The following CCSER1 variants were observed in gnomAD, a reference collection of about 807,000 sequenced individuals.
CCSER1 encodes the protein coiled-coil serine rich protein 1.
CCSER1 carries 41 observed loss-of-function variants against 82.0 expected under a neutral mutation model. That is an observed-to-expected ratio of 0.50 (90% CI 0.39 to 0.65). CCSER1 has a LOEUF of 0.65. Among genes scored for constraint, CCSER1 ranks in the 30% least tolerant of loss-of-function variants. CCSER1 has a pLI of 0.00. For synonymous variants in CCSER1, 414 were observed against 383.9 expected, an observed-to-expected ratio of 1.08 and a Z score of -0.92; for missense variants, 1,119 against 1,064.2, an observed-to-expected ratio of 1.05 and a Z score of -0.72.
chr4:91,403,002 C>A (rs1260620491), intron 10 of CCSER1, among the ~76,000 whole-genome samples: 1 of 152,132 alleles, frequency 6.6e-6, no homozygotes, highest in Non-Finnish European at 1.5e-5. Flanking sequence ...GCCATTTTCA[C>A]AATATTGATT....
At chr4:90,167,417 C>T (rs1028197404) in intron 1 of CCSER1, among the ~76,000 whole-genome samples, 5 of 152,114 alleles carry the variant, frequency 3.3e-5, no homozygotes, top group Middle Eastern at 3.4e-3. Context: ...CACACTCATA[C>T]GTAGTCATTA....
chr4:91,512,061 C>A (rs148820567), intron 10 of CCSER1, among the ~76,000 whole-genome samples: 1 of 151,880 alleles, frequency 6.6e-6, no homozygotes, highest in Non-Finnish European at 1.5e-5. Context: ...TAACTATCTG[C>A]GATGGTTCAC....
intron 8 of CCSER1, among the ~76,000 whole-genome samples, chr4:90,922,643 A>G (rs1728546618): frequency 6.6e-6 from 1 of 152,078 alleles, no homozygotes; most frequent in Non-Finnish European, 1.5e-5. Context: ...TTGAAGATAA[A>G]ATGTGATCAA....
chr4:90,777,413 C>T (rs1321694739), intron 7 of CCSER1, among the ~76,000 whole-genome samples: 1 of 147,564 alleles, frequency 6.8e-6, no homozygotes, highest in African/African-American at 2.5e-5. Context: ...TAAGACCTCA[C>T]ACTTAGTACT....
chr4:90,609,700 C>A (rs1785197246), intron 5 of CCSER1, among the ~76,000 whole-genome samples: 1 of 152,090 alleles, frequency 6.6e-6, no homozygotes, highest in Non-Finnish European at 1.5e-5. Context: ...ATCTAGCTAT[C>A]ATAGAGATGT....
intron 9 of CCSER1, among the ~76,000 whole-genome samples, chr4:91,056,843 T>C (rs1743494765): frequency 6.6e-6 from 1 of 152,216 alleles, no homozygotes; most frequent in African/African-American, 2.4e-5. Flanking sequence ...TGTCTTTCTT[T>C]GGGCATGTGT....
intron 10 of CCSER1, among the ~76,000 whole-genome samples, chr4:91,226,160 T>A (rs1232445376): frequency 6.6e-6 from 1 of 151,768 alleles, no homozygotes; most frequent in African/African-American, 2.4e-5. Context: ...ATTCCTAAAA[T>A]TAATGACTCA....
At chr4:91,064,672 T>C (rs1430497465) in intron 9 of CCSER1, among the ~76,000 whole-genome samples, 2 of 152,198 alleles carry the variant, frequency 1.3e-5, no homozygotes, top group Non-Finnish European at 2.9e-5. Flanking sequence ...CTGATACAGC[T>C]AATTCAGTGC....
At chr4:90,825,960 G>GA (rs1760376778) in intron 8 of CCSER1, among the ~76,000 whole-genome samples, 1 of 151,966 alleles carries the variant, frequency 6.6e-6, no homozygotes, top group African/African-American at 2.4e-5. Context: ...AAAGTGCTGG[G>GA]ATTACAGGCC....
At chr4:91,185,416 C>T (rs144478777) in intron 10 of CCSER1, among the ~76,000 whole-genome samples, 1,740 of 152,250 alleles carry the variant, frequency 0.011, 27 homozygotes, top group African/African-American at 0.039. Context: ...AAAAGTAATC[C>T]TATTGTCCCT....
At chr4:90,617,097 T>C (rs1181441783) in intron 5 of CCSER1, among the ~76,000 whole-genome samples, 1 of 152,186 alleles carries the variant, frequency 6.6e-6, no homozygotes, top group Non-Finnish European at 1.5e-5. Flanking sequence ...CATAAAACAA[T>C]TTATTCTTTT....
intron 10 of CCSER1, among the ~76,000 whole-genome samples, chr4:91,279,727 A>T (rs915327782): frequency 6.6e-6 from 1 of 151,748 alleles, no homozygotes; most frequent in Non-Finnish European, 1.5e-5. Flanking sequence ...ACTTTGAATT[A>T]TTTTTCTGGA....
chr4:91,554,534 TAAAC>T lies in CCSER1; in HGVS notation c.2218-44034_2218-44031del, dbSNP rs1277635096. Reference sequence around the variant, plus strand: ...TACACTGAACACTGAAAAACATTGATAAACAAAATTTAAGAAGATGTAAATAAAT... The same window carrying T: ...TACACTGAACACTGAAAAACATTGATAAAATTTAAGAAGATGTAAATAAAT... On this transcript the variant is annotated intron_variant, in intron 10 of 10. Coordinates refer to ENST00000509176, the MANE Select transcript of CCSER1 (RefSeq NM_001145065.2). Among the ~76,000 whole-genome samples, 8 of 151,202 alleles carry T rather than the reference TAAAC, an allele frequency of 5.3e-5. 1 individual carries two copies. The highest frequency in any genetic ancestry group is 1.7e-4 in the African/African-American group (7 of 41,164).
chr4:90,407,456 C>A (rs1164973702), intron 4 of CCSER1, among the ~76,000 whole-genome samples: 2 of 151,930 alleles, frequency 1.3e-5, no homozygotes, highest in African/African-American at 4.8e-5. Flanking sequence ...CCTGTTGACA[C>A]TATTCTGAAA....
At chr4:91,526,466 G>A (rs1380847319) in intron 10 of CCSER1, among the ~76,000 whole-genome samples, 3 of 152,186 alleles carry the variant, frequency 2.0e-5, no homozygotes, top group Non-Finnish European at 2.9e-5. Flanking sequence ...GACCTCCTGA[G>A]GGCTGTGTCA....
intron 10 of CCSER1, among the ~76,000 whole-genome samples, chr4:91,138,907 G>C (rs967832902): frequency 6.6e-6 from 1 of 152,172 alleles, no homozygotes; most frequent in East Asian, 1.9e-4. Context: ...TTAGATTCTG[G>C]GGTTACATTG....
chr4:91,102,105 C>T (rs1309515896), intron 10 of CCSER1, among the ~76,000 whole-genome samples: 1 of 152,128 alleles, frequency 6.6e-6, no homozygotes, highest in Non-Finnish European at 1.5e-5. Flanking sequence ...TTTCAATTCA[C>T]CCCGTGTTAT....
At position 90,811,272 on chromosome 4, in the gene CCSER1, T is replaced by C. The variant is rs116580481; in HGVS notation, c.2011-4490T>C. 6.5e-3 allele frequency among the ~76,000 whole-genome samples: 985 copies of C among 152,254 alleles called. 5 individuals carry two copies. Among genetic ancestry groups the C allele is most frequent in the African/African-American group, 0.016 (671 of 41,560 alleles). ...GATGTGAAACAACATTGCATTTCAG[T>C]GCTGTAGGAATGAACAAAGTGAGGA... On this transcript the variant is annotated intron_variant, in intron 7 of 10. Transcript: ENST00000509176.
intron 10 of CCSER1, among the ~76,000 whole-genome samples, chr4:91,588,303 C>G (rs917436868): frequency 1.3e-5 from 2 of 151,196 alleles, no homozygotes; most frequent in Non-Finnish European, 3.0e-5. Flanking sequence ...GTGTTTCTAA[C>G]ACTCATAAAC....
Sources: allele counts gnomAD v4.1 joint callset (sites outside exome capture counted in the v4.1 genomes callset), GRCh38; gene constraint gnomAD v4.1.1; transcripts MANE v1.5; gene names NCBI Gene and HGNC (gene_info 2026-07-23, HGNC 2026-07-21).